Variants in MECOM observed in about 807,000 individuals in gnomAD.
The protein encoded by MECOM is MDS1 and EVI1 complex locus.
MECOM carries 13 observed loss-of-function variants against 116.3 expected under a neutral mutation model. That is an observed-to-expected ratio of 0.11 (90% CI 0.07 to 0.18). The LOEUF (loss-of-function observed/expected upper bound fraction) is 0.18. Among genes scored for constraint, MECOM ranks in the 10% least tolerant of loss-of-function variants. MECOM has a pLI of 1.00. For missense variants in MECOM, 1,299 were observed against 1,509.0 expected, an observed-to-expected ratio of 0.86 and a Z score of 2.31; for synonymous variants, 528 against 535.2, an observed-to-expected ratio of 0.99 and a Z score of 0.19.
chr3:169,320,514 C>G (rs1362425656), intron 2 of MECOM, among the ~76,000 whole-genome samples: 1 of 152,132 alleles, frequency 6.6e-6, no homozygotes, highest in Non-Finnish European at 1.5e-5. Flanking sequence ...AGGTTCTAGT[C>G]ACAGATCTAA....
intron 1 of MECOM, among the ~76,000 whole-genome samples, chr3:169,405,540 T>A (rs1736564996): frequency 6.6e-6 from 1 of 152,236 alleles, no homozygotes; most frequent in African/African-American, 2.4e-5. Flanking sequence ...TTGTGACTGC[T>A]GTTGGCTTCT....
At chr3:169,633,531 T>G (rs1347062069) in intron 1 of MECOM, among the ~76,000 whole-genome samples, 2 of 152,142 alleles carry the variant, frequency 1.3e-5, no homozygotes, top group African/African-American at 4.8e-5. Context: ...TTGGAGGGTG[T>G]GGGCATCACT....
intron 5 of MECOM, 55 bp downstream of exon 5, chr3:169,127,789 C>T: frequency 6.6e-7 from 1 of 1,509,398 alleles, no homozygotes; most frequent in South Asian, 1.1e-5. Context: ...CAAAATTCAG[C>T]ATAACATTGC....
intron 2 of MECOM, chr3:169,149,568 C>A: frequency 3.1e-6 from 1 of 319,286 alleles, no homozygotes; most frequent in South Asian, 2.5e-5. Flanking sequence ...CCGCCAGGCG[C>A]CGGCAACACA....
intron 1 of MECOM, among the ~76,000 whole-genome samples, chr3:169,598,518 A>ATT (rs1433515019): frequency 6.6e-6 from 1 of 152,212 alleles, no homozygotes; most frequent in African/African-American, 2.4e-5. Context: ...TCCAGTAACT[A>ATT]TTTTTTGTAG....
rs1560093703 is a variant in MECOM at position 169,083,646 on chromosome 3, G to C, written c.*1263C>G. On this transcript the variant is annotated 3_prime_UTR_variant, in exon 17 of 17. Coordinates refer to ENST00000651503, the MANE Select transcript of MECOM (RefSeq NM_004991.4). The stretch of plus-strand genomic sequence containing the variant: ...TTCAAAATGAGATTACAAACAAAAA[G>C]AAAACAAATCTGGTTCCTCAATAAA... The C allele has an allele frequency of 5.0e-6, 1 of 198,908 alleles. No homozygotes were observed. Among genetic ancestry groups the C allele is most frequent in the Non-Finnish European group, 1.0e-5 (1 of 95,922 alleles). 12.3% of individuals were successfully genotyped at this position (198,908 alleles called of 1,614,324 possible).
At chr3:169,608,912 A>G (rs1333102576) in intron 1 of MECOM, among the ~76,000 whole-genome samples, 2 of 152,178 alleles carry the variant, frequency 1.3e-5, no homozygotes, top group Non-Finnish European at 2.9e-5. Flanking sequence ...TTAAGCAAAA[A>G]TGCACTTACA....
chr3:169,627,989 A>G (rs903522177), intron 1 of MECOM, among the ~76,000 whole-genome samples: 1 of 152,234 alleles, frequency 6.6e-6, no homozygotes, highest in Non-Finnish European at 1.5e-5. Flanking sequence ...TCAGAGTCGG[A>G]GAACTTGAGA....
chr3:169,346,608 G>T (rs1293500857), intron 2 of MECOM, among the ~76,000 whole-genome samples: 2 of 151,428 alleles, frequency 1.3e-5, no homozygotes, highest in Non-Finnish European at 2.9e-5. Flanking sequence ...GCCACAGGGG[G>T]AAAAAATGCA....
At chr3:169,528,643 T>C (rs756823542) in intron 1 of MECOM, among the ~76,000 whole-genome samples, 8 of 152,380 alleles carry the variant, frequency 5.3e-5, no homozygotes, top group Admixed American at 2.0e-4. Context: ...AGCTTCCTTA[T>C]GCTACTTTCT....
chr3:169,496,629 C>T (rs1307710358), intron 1 of MECOM, among the ~76,000 whole-genome samples: 1 of 152,208 alleles, frequency 6.6e-6, no homozygotes, highest in Admixed American at 6.5e-5. Context: ...GGAGATAACC[C>T]TGCAATGACT....
At chr3:169,528,574 T>C (rs911735888) in intron 1 of MECOM, among the ~76,000 whole-genome samples, 2 of 152,230 alleles carry the variant, frequency 1.3e-5, no homozygotes, top group African/African-American at 4.8e-5. Context: ...ATTCTTTCCA[T>C]ATTTGTCATC....
chr3:169,122,867 G>A, intron 5 of MECOM, 140 bp from the exon 6 acceptor site: 1 of 915,872 alleles, frequency 1.1e-6, no homozygotes, highest in Non-Finnish European at 1.6e-6. Flanking sequence ...GCAGAAACAG[G>A]CTTGTGACAG....
chr3:169,492,076 A>G (rs772151013), intron 1 of MECOM, among the ~76,000 whole-genome samples: 1 of 152,198 alleles, frequency 6.6e-6, no homozygotes, highest in Non-Finnish European at 1.5e-5. Flanking sequence ...TATTGTCTTC[A>G]ATTCTGCTCA....
intron 2 of MECOM, among the ~76,000 whole-genome samples, chr3:169,336,993 A>G (rs944911963): frequency 3.3e-5 from 5 of 152,144 alleles, no homozygotes; most frequent in African/African-American, 1.2e-4. Context: ...TAGAATAACT[A>G]TTTTTTAAAA....
chr3:169,259,769 G>C (rs1757318299), intron 2 of MECOM, among the ~76,000 whole-genome samples: 1 of 152,198 alleles, frequency 6.6e-6, no homozygotes, highest in Non-Finnish European at 1.5e-5. Context: ...GGGCTTACTT[G>C]AGTCCAGAGC....
At chr3:169,533,873 T>C (rs1455379716) in intron 1 of MECOM, among the ~76,000 whole-genome samples, 2 of 152,198 alleles carry the variant, frequency 1.3e-5, no homozygotes, top group Non-Finnish European at 2.9e-5. Flanking sequence ...TCAGAATAAC[T>C]TGGCAAAAGG....
chr3:169,353,877 A>G (rs540782333), intron 2 of MECOM, among the ~76,000 whole-genome samples: 2 of 152,010 alleles, frequency 1.3e-5, no homozygotes, highest in East Asian at 3.9e-4. Flanking sequence ...AAATAGTATG[A>G]CATTTCCCCC....
At chr3:169,473,282 T>C (rs1335616644) in intron 1 of MECOM, among the ~76,000 whole-genome samples, 1 of 152,140 alleles carries the variant, frequency 6.6e-6, no homozygotes, top group East Asian at 1.9e-4. Context: ...TATCTGGCCT[T>C]CATCCTAATC....
Sources: allele counts gnomAD v4.1 joint callset (sites outside exome capture counted in the v4.1 genomes callset), GRCh38; gene constraint gnomAD v4.1.1; transcripts MANE v1.5; gene names NCBI Gene and HGNC (gene_info 2026-07-23, HGNC 2026-07-21).